Variants in ATG7 observed in about 807,000 individuals in gnomAD.
ATG7 encodes the protein ubiquitin-like modifier-activating enzyme ATG7.
ATG7 carries 70 observed loss-of-function variants against 82.4 expected under a neutral mutation model. The observed-to-expected ratio is 0.85, with a 90% CI of 0.70 to 1.04. The LOEUF (loss-of-function observed/expected upper bound fraction) is 1.04, where lower values mean the gene tolerates loss of function less well. Ranked by LOEUF, ATG7 falls within the 50% of genes least tolerant of loss-of-function variation. The pLI, the probability that ATG7 is intolerant of heterozygous loss-of-function variation, is 0.00. For synonymous variants in ATG7, 287 were observed against 313.0 expected (o/e 0.92, Z 0.88); for missense variants, 792 against 864.3 (o/e 0.92, Z 1.05).
chr3:11,298,636 G>C, intron 3 of ATG7, 50 bp from the exon 4 acceptor site: 1 of 1,543,088 alleles, frequency 6.5e-7, no homozygotes, highest in Non-Finnish European at 8.8e-7. Flanking sequence ...TTCTCACCAG[G>C]TTTTGCATGG....
At position 11,379,542 on chromosome 3, in the gene ATG7, TTG is replaced by T. The variant is rs1429659441; in HGVS notation, c.1876-427_1876-426del. Among the ~76,000 whole-genome samples the T allele has an allele frequency of 2.0e-5, 3 of 152,328 alleles. No individual in the cohort carries two copies. The East Asian group carries it at 5.8e-4, about 29-fold the overall frequency. On this transcript the variant is annotated intron_variant, in intron 18 of 20. Coordinates refer to ENST00000693202, the MANE Select transcript of ATG7 (RefSeq NM_001349232.2). ...CCACAGTCCCCCAAGCCATCTTTCC[TTG>T]TGAGACCCCACCCAAAATCATGTCA...
At chr3:11,285,694 G>A (rs942187531) in intron 3 of ATG7, among the ~76,000 whole-genome samples, 2 of 152,092 alleles carry the variant, frequency 1.3e-5, no homozygotes, top group Admixed American at 6.5e-5. Context: ...GATTGGTTTT[G>A]CCTGTTGAAC....
chr3:11,439,219 C>T (rs1192502320), intron 20 of ATG7, among the ~76,000 whole-genome samples: 2 of 151,954 alleles, frequency 1.3e-5, no homozygotes, highest in Admixed American at 6.6e-5. Context: ...CAGGCGCCCA[C>T]CACCACGCCC....
At chr3:11,279,989 T>A (rs1272468301) in intron 1 of ATG7, among the ~76,000 whole-genome samples, 1 of 151,996 alleles carries the variant, frequency 6.6e-6, no homozygotes, top group Non-Finnish European at 1.5e-5. Flanking sequence ...GGGACAAGTA[T>A]GTAACATAAC....
chr3:11,524,277 G>A (rs1418992971), intron 20 of ATG7, among the ~76,000 whole-genome samples: 1 of 152,170 alleles, frequency 6.6e-6, no homozygotes, highest in Non-Finnish European at 1.5e-5. Context: ...AGCCACAATG[G>A]AGAAGCCCAT....
intron 5 of ATG7, among the ~76,000 whole-genome samples, chr3:11,303,237 G>A (rs1209471813): frequency 6.6e-6 from 1 of 152,202 alleles, no homozygotes; most frequent in East Asian, 1.9e-4. Context: ...AGGAGAACTC[G>A]TGGCCTCACT....
At chr3:11,335,482 C>T (rs771054769) in intron 11 of ATG7, among the ~76,000 whole-genome samples, 26 of 152,114 alleles carry the variant, frequency 1.7e-4, no homozygotes, top group African/African-American at 5.1e-4. Context: ...GTTGGACAAG[C>T]GTGGTCTTAG....
intron 14 of ATG7, 38 bp from the exon 15 acceptor site, chr3:11,358,380 A>T (rs116767133): frequency 2.7e-4 from 422 of 1,583,106 alleles, no homozygotes; most frequent in Non-Finnish European, 3.5e-4. Context: ...TACCTATACC[A>T]TTGCTCCAGA....
At chr3:11,356,930 C>T (rs1003813802) in intron 14 of ATG7, among the ~76,000 whole-genome samples, 1 of 152,174 alleles carries the variant, frequency 6.6e-6, no homozygotes, top group Non-Finnish European at 1.5e-5. Context: ...CTTTCTGCCT[C>T]AGGTCCTTTC....
chr3:11,481,797 G>T (rs2089010411), intron 20 of ATG7, among the ~76,000 whole-genome samples: 1 of 152,208 alleles, frequency 6.6e-6, no homozygotes, highest in African/African-American at 2.4e-5. Flanking sequence ...TTGAGTAGGG[G>T]TGTGGCTGTG....
rs771616162 is a variant in ATG7, at chr3:11,315,489, C to T, written c.674C>T (p.Thr225Met). The change falls in exon 9 of 21, where the codon ACG becomes ATG. Residue 225 changes from threonine (T) to methionine (M), a missense_variant. Coordinates refer to ENST00000693202, the MANE Select transcript of ATG7 (RefSeq NM_001349232.2). ...AGTGATTTCTTCCAAGGTCAAAGGA[C>T]GAAGGTCAGATAAACTTTGAGTATC... is the stretch of plus-strand genomic sequence containing the variant. The part of the protein sequence containing the change: ...HYSDFFQGQR[T>M]KITIGVYDPC... The T allele has an allele frequency of 1.3e-5, 21 of 1,586,648 alleles. No individual in the cohort carries two copies. The highest frequency in any genetic ancestry group is 4.5e-5 in the East Asian group (2 of 44,464).
At chr3:11,393,034 A>C (rs2078945018) in intron 19 of ATG7, among the ~76,000 whole-genome samples, 1 of 152,178 alleles carries the variant, frequency 6.6e-6, no homozygotes, top group Non-Finnish European at 1.5e-5. Context: ...AGATGCAGAA[A>C]AATTCTCAAT....
chr3:11,465,716 G>A lies in ATG7; in HGVS notation c.2079+38790G>A, dbSNP rs555622791. On this transcript the variant is annotated intron_variant, in intron 20 of 20. Coordinates refer to ENST00000693202, the MANE Select transcript of ATG7 (RefSeq NM_001349232.2). Reference sequence around the variant, plus strand: ...GGAGGTCGTGGCTGCAGTGAGCAGTGATTGCACCACTGCACACCAACCTGG... The same window carrying A: ...GGAGGTCGTGGCTGCAGTGAGCAGTAATTGCACCACTGCACACCAACCTGG... Among the ~76,000 whole-genome samples, 37 of 152,186 alleles carry A rather than the reference G, an allele frequency of 2.4e-4. No individual in the cohort carries two copies. In the South Asian group the frequency reaches 7.7e-3, roughly 32 times the overall value.
chr3:11,379,804 G>T (rs1017253337), intron 18 of ATG7, among the ~76,000 whole-genome samples, 168 bp from the exon 19 acceptor site: 3 of 152,164 alleles, frequency 2.0e-5, no homozygotes, highest in Non-Finnish European at 2.9e-5. Context: ...TCTGCAAACT[G>T]ATTACGTTAC....
In ATG7 at chr3:11,541,341, G is replaced by A. The variant is rs150327032; in HGVS notation, c.2080-13470G>A. 5.4e-3 allele frequency among the ~76,000 whole-genome samples: 820 copies of A among 152,244 alleles called. 5 individuals are homozygous for A. Among genetic ancestry groups the A allele is most frequent in the Non-Finnish European group, 8.1e-3 (548 of 68,010 alleles). The stretch of plus-strand genomic sequence containing the variant: ...TTTGTTGAAAAGATTGTCCTTTCTC[G>A]TCAAATTACTGTGCCACCTTTGTTG... On this transcript the variant is annotated intron_variant, in intron 20 of 20. Coordinates refer to ENST00000693202, the MANE Select transcript of ATG7 (RefSeq NM_001349232.2).
chr3:11,532,294 A>AGGG, intron 20 of ATG7, among the ~76,000 whole-genome samples: 2 of 152,218 alleles, frequency 1.3e-5, no homozygotes, highest in African/African-American at 4.8e-5. Context: ...GCCGGCACAC[A>AGGG]TCATCTGCAA....
the ATG7 span, chr3:11,568,806 G>A: frequency 8.4e-6 from 12 of 1,435,022 alleles, no homozygotes; most frequent in South Asian, 1.5e-5. The surrounding 1 kb of genome is among the most constrained non-coding windows in gnomAD (Gnocchi z 5.9). Flanking sequence ...GAGAGCCCAC[G>A]GCATCCCCGC....
chr3:11,379,614 G>A (rs1265570943), intron 18 of ATG7, among the ~76,000 whole-genome samples: 1 of 152,206 alleles, frequency 6.6e-6, no homozygotes, highest in African/African-American at 2.4e-5. Flanking sequence ...ACATGTGGGA[G>A]CTTAAGAGTT....
chr3:11,387,787 G>A (rs776819326), intron 19 of ATG7, among the ~76,000 whole-genome samples: 4 of 152,014 alleles, frequency 2.6e-5, no homozygotes, highest in African/African-American at 4.8e-5. Flanking sequence ...TGGCTAACAC[G>A]GTGAAACACT....
Sources: allele counts gnomAD v4.1 joint callset (sites outside exome capture counted in the v4.1 genomes callset), GRCh38; gene constraint gnomAD v4.1.1; non-coding constraint Gnocchi (gnomAD v3.1); transcripts MANE v1.5; gene names NCBI Gene and HGNC (gene_info 2026-07-23, HGNC 2026-07-21).